DOCK4: variants seen among roughly 807,000 people sequenced by gnomAD.
DOCK4 encodes dedicator of cytokinesis protein 4.
Under a neutral mutation model 268.1 loss-of-function variants are expected in DOCK4, and 97 were observed. The observed-to-expected ratio is 0.36, with a 90% CI of 0.31 to 0.43. DOCK4 has a LOEUF of 0.43. Among genes scored for constraint, DOCK4 ranks in the 20% least tolerant of loss-of-function variants. The probability of loss-of-function intolerance (pLI) is 1.00; values close to 1 mark genes in which losing one functional copy is unlikely to be tolerated. For missense variants in DOCK4, 2,145 were observed against 2,455.7 expected (o/e 0.87, Z 2.67); for synonymous variants, 954 against 887.2 (o/e 1.08, Z -1.34).
At chr7:111,983,948 A>C (rs1420846850) in intron 7 of DOCK4, among the ~76,000 whole-genome samples, 4 of 152,148 alleles carry the variant, frequency 2.6e-5, no homozygotes, top group African/African-American at 9.7e-5. Flanking sequence ...AGCCAAGACG[A>C]AACACCCATT....
At chr7:112,190,460 G>A (rs1049370545) in intron 1 of DOCK4, among the ~76,000 whole-genome samples, 7 of 152,164 alleles carry the variant, frequency 4.6e-5, no homozygotes, top group African/African-American at 1.7e-4. Flanking sequence ...AGAAGCAGGA[G>A]GTGGATGGTC....
At chr7:111,789,378 T>C (rs1003572952) in intron 31 of DOCK4, 9 of 152,812 alleles carry the variant, frequency 5.9e-5, no homozygotes, top group African/African-American at 9.7e-5. Flanking sequence ...ATATCAGGAA[T>C]GGAAAAATAT....
chr7:111,934,531 T>TTTG (rs1562907398), intron 12 of DOCK4, among the ~76,000 whole-genome samples: 5 of 137,604 alleles, frequency 3.6e-5, no homozygotes, highest in East Asian at 2.0e-4. Flanking sequence ...TTGTTTTTTT[T>TTTG]TTTTTTTTTT....
intron 10 of DOCK4, among the ~76,000 whole-genome samples, chr7:111,943,138 T>C (rs1445221734): frequency 6.6e-6 from 1 of 152,204 alleles, no homozygotes; most frequent in African/African-American, 2.4e-5. Context: ...GCAATAATCC[T>C]AGAGAAGTAT....
intron 49 of DOCK4, among the ~76,000 whole-genome samples, chr7:111,738,079 A>G (rs957886959): frequency 6.6e-6 from 1 of 152,048 alleles, no homozygotes; most frequent in African/African-American, 2.4e-5. Context: ...AGAAATAACT[A>G]TTTTTCTCTG....
intron 1 of DOCK4, among the ~76,000 whole-genome samples, chr7:112,157,689 GCA>G (rs1816748040): frequency 6.6e-6 from 1 of 152,182 alleles, no homozygotes; most frequent in African/African-American, 2.4e-5. Context: ...AGCTGTCAAT[GCA>G]CAGATTTGGG....
chr7:111,755,007 T>C (rs1218740149), intron 42 of DOCK4, among the ~76,000 whole-genome samples: 2 of 152,196 alleles, frequency 1.3e-5, no homozygotes, highest in Admixed American at 1.3e-4. Context: ...AAGAGAGTAA[T>C]ATAATTGGCT....
intron 1 of DOCK4, among the ~76,000 whole-genome samples, chr7:112,115,656 T>TCCAA (rs1467296105): frequency 2.6e-5 from 4 of 151,420 alleles, no homozygotes; most frequent in Non-Finnish European, 5.9e-5. Flanking sequence ...CATCCACCCA[T>TCCAA]CCATCCATCC....
intron 1 of DOCK4, among the ~76,000 whole-genome samples, chr7:112,084,721 T>C (rs1586791184): frequency 6.6e-6 from 1 of 152,108 alleles, no homozygotes; most frequent in African/African-American, 2.4e-5. Context: ...TCTCCCTTCA[T>C]GTTTGTACAG....
intron 37 of DOCK4, 109 bp from the exon 38 acceptor site, chr7:111,767,227 CTTTTTTTT>C: frequency 2.2e-6 from 1 of 464,828 alleles, no homozygotes; most frequent in Non-Finnish European, 3.6e-6. Context: ...ACTCCTTAAT[CTTTTTTTT>C]TTTTTTTTTT....
intron 35 of DOCK4, among the ~76,000 whole-genome samples, chr7:111,782,567 G>T (rs564766988): frequency 6.6e-6 from 1 of 152,260 alleles, no homozygotes; most frequent in East Asian, 1.9e-4. Context: ...GACTCTAGGA[G>T]GGTGAAGTAG....
At chr7:111,741,295 A>AG (rs1795899975) in intron 46 of DOCK4, 81 bp from the exon 47 acceptor site, 1 of 1,554,310 alleles carries the variant, frequency 6.4e-7, no homozygotes, top group African/African-American at 1.4e-5. Context: ...ATGAAACCAA[A>AG]GGGGGGAAAA....
chr7:112,180,800 G>C (rs1380634828), intron 1 of DOCK4, among the ~76,000 whole-genome samples: 1 of 152,164 alleles, frequency 6.6e-6, no homozygotes, highest in Non-Finnish European at 1.5e-5. Flanking sequence ...GCTGCTTTAG[G>C]TATTAAAGGG....
intron 49 of DOCK4, among the ~76,000 whole-genome samples, chr7:111,738,274 A>G (rs1795644384): frequency 6.6e-6 from 1 of 152,160 alleles, no homozygotes; most frequent in Non-Finnish European, 1.5e-5. Context: ...TACTCGCATG[A>G]GCAGTTGACA....
chr7:111,951,378 G>C (rs1438618789), intron 8 of DOCK4, among the ~76,000 whole-genome samples: 1 of 152,142 alleles, frequency 6.6e-6, no homozygotes, highest in Admixed American at 6.6e-5. Context: ...GAAGCTAGGA[G>C]ATATTAGATA....
intron 5 of DOCK4, among the ~76,000 whole-genome samples, chr7:111,993,382 C>T (rs915225804): frequency 6.6e-6 from 1 of 152,158 alleles, no homozygotes; most frequent in South Asian, 2.1e-4. Context: ...TATTTCACCA[C>T]CCCCAGACTT....
At chr7:112,042,524 C>T (rs1430661358) in intron 1 of DOCK4, among the ~76,000 whole-genome samples, 1 of 152,006 alleles carries the variant, frequency 6.6e-6, no homozygotes, top group Non-Finnish European at 1.5e-5. Context: ...GTAGAAGTTC[C>T]ATGAATGCCA....
At chr7:111,868,761 A>AGTT (rs1297480436) in intron 21 of DOCK4, among the ~76,000 whole-genome samples, 4 of 152,202 alleles carry the variant, frequency 2.6e-5, no homozygotes, top group Non-Finnish European at 4.4e-5. Flanking sequence ...TATGATGAAC[A>AGTT]CTAAGTGTTT....
chr7:112,148,206 T>C (rs757191786), intron 1 of DOCK4, among the ~76,000 whole-genome samples: 5 of 152,098 alleles, frequency 3.3e-5, no homozygotes, highest in Non-Finnish European at 5.9e-5. Flanking sequence ...GAATCTTCAT[T>C]GCTGGAGTCA....
Sources: gnomAD v4.1 joint callset for allele counts (sites outside exome capture counted in the v4.1 genomes callset) on GRCh38, gnomAD v4.1.1 for gene constraint, MANE v1.5 for transcripts, NCBI Gene and HGNC (gene_info 2026-07-23, HGNC 2026-07-21) for gene names.